The following SYN3 variants were observed in gnomAD, a reference collection of about 807,000 sequenced individuals.
SYN3 encodes the protein synapsin III, also known as synapsin-3.
In SYN3, 35 loss-of-function variants were observed where a neutral mutation model predicts 65.8. That is an observed-to-expected ratio of 0.53 (90% CI 0.41 to 0.70). The LOEUF (loss-of-function observed/expected upper bound fraction) is 0.70. SYN3 is among the 30% of genes least tolerant of loss of function. SYN3 has a pLI of 0.00. For synonymous variants in SYN3, 270 were observed against 292.9 expected (o/e 0.92, Z 0.80); for missense variants, 680 against 749.0 (o/e 0.91, Z 1.08).
At chr22:32,927,945 T>C (rs1008379324) in intron 4 of SYN3, among the ~76,000 whole-genome samples, 6 of 152,252 alleles carry the variant, frequency 3.9e-5, no homozygotes, top group Non-Finnish European at 4.4e-5. Context: ...GCTGCCAGTC[T>C]GTTACTTTAA....
rs200412213 is a variant in SYN3, at chr22:32,947,266, CCTAA to C, written c.370-15789_370-15786del. On this transcript the variant is annotated intron_variant, in intron 3 of 13. Coordinates refer to ENST00000358763, the MANE Select transcript of SYN3 (RefSeq NM_003490.4). ...TTCATCTTTTTCTCAACCAATGTCC[CCTAA>C]CTGTCATCAAAGAAATCATCTATTA... Among the ~76,000 whole-genome samples the C allele has an allele frequency of 2.1e-3, 318 of 152,172 alleles. 4 individuals are homozygous for C. Among genetic ancestry groups the C allele is most frequent in the East Asian group, 0.013 (65 of 5,176 alleles).
chr22:32,617,244 C>T (rs896026062), intron 6 of SYN3, among the ~76,000 whole-genome samples: 1 of 152,144 alleles, frequency 6.6e-6, no homozygotes, highest in African/African-American at 2.4e-5. Flanking sequence ...AAGAAGGACC[C>T]TCCTCATCTG....
At chr22:32,739,594 A>C (rs1264487202) in intron 6 of SYN3, among the ~76,000 whole-genome samples, 1 of 152,194 alleles carries the variant, frequency 6.6e-6, no homozygotes, top group Non-Finnish European at 1.5e-5. Flanking sequence ...TGGCTGTACC[A>C]GCTGTTAAAA....
At chr22:33,002,401 T>C (rs1392705016) in intron 2 of SYN3, among the ~76,000 whole-genome samples, 1 of 152,176 alleles carries the variant, frequency 6.6e-6, no homozygotes, top group Non-Finnish European at 1.5e-5. Flanking sequence ...CTCAGCATTT[T>C]GGGAGGCCGA....
At chr22:32,687,168 A>C (rs2060602191) in intron 6 of SYN3, among the ~76,000 whole-genome samples, 1 of 141,962 alleles carries the variant, frequency 7.0e-6, no homozygotes, top group Non-Finnish European at 1.5e-5. Flanking sequence ...ATTTATTTTT[A>C]TTTTTATTTT....
intron 6 of SYN3, among the ~76,000 whole-genome samples, chr22:32,804,134 A>G (rs879351909): frequency 2.0e-5 from 3 of 152,166 alleles, no homozygotes; most frequent in Admixed American, 2.0e-4. Context: ...AGACCAGGAG[A>G]TTGTGGAATC....
chr22:32,765,206 G>T (rs2045591943), intron 6 of SYN3, among the ~76,000 whole-genome samples: 1 of 152,106 alleles, frequency 6.6e-6, no homozygotes, highest in Non-Finnish European at 1.5e-5. Context: ...GTCCCAAGAA[G>T]TTAAAATTAG....
intron 6 of SYN3, among the ~76,000 whole-genome samples, chr22:32,697,723 C>A (rs1461428880): frequency 6.6e-6 from 1 of 152,220 alleles, no homozygotes; most frequent in African/African-American, 2.4e-5. Context: ...ACAGCCACCA[C>A]CTGGAATGCT....
chr22:32,587,156 A>T (rs550325355), intron 7 of SYN3, among the ~76,000 whole-genome samples: 21 of 143,862 alleles, frequency 1.5e-4, no homozygotes, highest in Non-Finnish European at 2.9e-4. Flanking sequence ...TGGGAGGCAG[A>T]GGTTGCAGTG....
At position 32,928,417 on chromosome 22, in the gene SYN3, G is replaced by C. The variant is rs5754342; in HGVS notation, c.461+2973C>G. Among the ~76,000 whole-genome samples, 72 of 152,250 alleles carry C rather than the reference G, an allele frequency of 4.7e-4. 1 individual carries two copies. The East Asian group carries it at 0.012, about 25-fold the overall frequency. On this transcript the variant is annotated intron_variant, in intron 4 of 13. Transcript: ENST00000358763. Reference sequence around the variant, plus strand: ...GCCTAGCCTACCTTAGACATTATCAGAGCACTTACATTAGCCTACAGTTGG... The same window carrying C: ...GCCTAGCCTACCTTAGACATTATCACAGCACTTACATTAGCCTACAGTTGG...
chr22:32,968,209 T>A (rs1328414858), intron 3 of SYN3, among the ~76,000 whole-genome samples: 3 of 152,206 alleles, frequency 2.0e-5, no homozygotes, highest in South Asian at 2.1e-4. Context: ...ATTACAGGTA[T>A]GAGAATGGCT....
At chr22:32,838,126 A>T (rs572318444) in intron 6 of SYN3, among the ~76,000 whole-genome samples, 1 of 152,180 alleles carries the variant, frequency 6.6e-6, no homozygotes, top group Non-Finnish European at 1.5e-5. Context: ...AAAGGTAGGA[A>T]CCTTGTCTGC....
chr22:32,843,378 G>A (rs1456347712), intron 6 of SYN3, among the ~76,000 whole-genome samples: 1 of 152,218 alleles, frequency 6.6e-6, no homozygotes, highest in Non-Finnish European at 1.5e-5. Context: ...CTGGAAGAGT[G>A]AGAGAGCCTG....
At chr22:32,844,525 A>G (rs2048006443) in intron 6 of SYN3, among the ~76,000 whole-genome samples, 1 of 152,208 alleles carries the variant, frequency 6.6e-6, no homozygotes, top group Non-Finnish European at 1.5e-5. Context: ...AGACAGTTCA[A>G]TAGAGATATA....
chr22:32,956,451 G>C (rs1027008394), intron 3 of SYN3, among the ~76,000 whole-genome samples: 3 of 151,970 alleles, frequency 2.0e-5, no homozygotes, highest in Admixed American at 6.6e-5. Context: ...CACCTTACCC[G>C]GCCACCCCTA....
intron 4 of SYN3, among the ~76,000 whole-genome samples, chr22:32,900,373 G>A (rs559493406): frequency 6.6e-5 from 10 of 152,140 alleles, no homozygotes; most frequent in Admixed American, 3.3e-4. Flanking sequence ...GCAAAGTTCC[G>A]GGCAAATTTC....
intron 6 of SYN3, among the ~76,000 whole-genome samples, chr22:32,777,716 C>T (rs1170849330): frequency 6.6e-6 from 1 of 152,120 alleles, no homozygotes; most frequent in Non-Finnish European, 1.5e-5. Flanking sequence ...CACATATTAG[C>T]TTTTCTTGCT....
intron 3 of SYN3, among the ~76,000 whole-genome samples, chr22:32,941,948 A>G (rs1356327364): frequency 6.6e-6 from 1 of 152,244 alleles, no homozygotes; most frequent in Non-Finnish European, 1.5e-5. Context: ...CAAAGCAGCC[A>G]GGAAGCTCAA....
intron 6 of SYN3, among the ~76,000 whole-genome samples, chr22:32,759,827 T>C (rs1322084677): frequency 3.4e-3 from 47 of 13,752 alleles, no homozygotes; most frequent in African/African-American, 5.1e-3. Context: ...CCACCCACCA[T>C]CAGCCAGCAC....
Sources: allele counts gnomAD v4.1 joint callset (sites outside exome capture counted in the v4.1 genomes callset), GRCh38; gene constraint gnomAD v4.1.1; transcripts MANE v1.5; gene names NCBI Gene and HGNC (gene_info 2026-07-23, HGNC 2026-07-21).